ZNF277: variants seen among roughly 807,000 people sequenced by gnomAD.
ZNF277 encodes the protein zinc finger protein 277, also known as nuclear receptor-interacting factor 4.
Under a neutral mutation model 60.7 loss-of-function variants are expected in ZNF277, and 55 were observed. That is an observed-to-expected ratio of 0.91 (90% confidence interval 0.73 to 1.13). The LOEUF is 1.13. Ranked by LOEUF, ZNF277 falls within the 50% of genes most tolerant of loss-of-function variation. The pLI is 0.00. For missense variants in ZNF277, 510 were observed against 523.0 expected (o/e 0.98, Z 0.24); for synonymous variants, 178 against 179.3 (o/e 0.99, Z 0.06).
chr7:112,250,626 T>C (rs1173745956), intron 1 of ZNF277, among the ~76,000 whole-genome samples: 3 of 152,150 alleles, frequency 2.0e-5, no homozygotes, highest in Non-Finnish European at 4.4e-5. Context: ...GGCCAACGCT[T>C]CAGGAAAATA....
At chr7:112,211,123 A>G (rs1821735628) in intron 1 of ZNF277, among the ~76,000 whole-genome samples, 1 of 152,138 alleles carries the variant, frequency 6.6e-6, no homozygotes, top group Non-Finnish European at 1.5e-5. Context: ...GATTTTGGTA[A>G]TGTTTATCTT....
intron 4 of ZNF277, among the ~76,000 whole-genome samples, chr7:112,304,291 A>G (rs1351804636): frequency 6.6e-6 from 1 of 152,158 alleles, no homozygotes; most frequent in East Asian, 1.9e-4. Flanking sequence ...TTAGTATATT[A>G]TTTGAGTATA....
chr7:112,238,612 C>CTATGCATCACAGTTTGCA lies in ZNF277; in HGVS notation c.91+31806_91+31823dup, dbSNP rs146262282. On this transcript the variant is annotated intron_variant, in intron 1 of 11. Coordinates refer to ENST00000361822, the MANE Select transcript of ZNF277 (RefSeq NM_021994.3). The stretch of plus-strand genomic sequence containing the variant: ...GTGTTCGCGTCACCCCACCCCAACC[C>CTATGCATCACAGTTTGCA]TATGCATCACAGTTTGCAGCTCCCG... Among the ~76,000 whole-genome samples, 766 of 152,154 alleles carry CTATGCATCACAGTTTGCA rather than the reference C, an allele frequency of 5.0e-3. 5 individuals are homozygous for CTATGCATCACAGTTTGCA. The highest frequency in any genetic ancestry group is 0.03 in the East Asian group (155 of 5,150).
chr7:112,333,980 T>G (rs1793279127), intron 7 of ZNF277, among the ~76,000 whole-genome samples: 1 of 152,232 alleles, frequency 6.6e-6, no homozygotes, highest in African/African-American at 2.4e-5. Flanking sequence ...TGAGTTTTTC[T>G]AAAGGGAATT....
At chr7:112,240,598 T>A (rs1301313587) in intron 1 of ZNF277, among the ~76,000 whole-genome samples, 8 of 152,100 alleles carry the variant, frequency 5.3e-5, no homozygotes, top group Non-Finnish European at 1.0e-4. Flanking sequence ...GCTACTGAGC[T>A]ATGATAACCA....
chr7:112,301,517 G>A (rs1792469865), intron 4 of ZNF277, among the ~76,000 whole-genome samples: 1 of 152,098 alleles, frequency 6.6e-6, no homozygotes, highest in Non-Finnish European at 1.5e-5. Flanking sequence ...CCCTTGTGAA[G>A]TTTACACTGT....
intron 1 of ZNF277, among the ~76,000 whole-genome samples, chr7:112,208,098 C>T (rs1223158193): frequency 3.3e-5 from 5 of 152,238 alleles, no homozygotes; most frequent in African/African-American, 1.2e-4. Flanking sequence ...AAAAAATGGC[C>T]GGGCACGGTG....
intron 4 of ZNF277, among the ~76,000 whole-genome samples, chr7:112,297,397 G>A (rs1342599388): frequency 1.3e-5 from 2 of 151,940 alleles, no homozygotes; most frequent in Non-Finnish European, 2.9e-5. Context: ...TTTGGACTTA[G>A]CTAAATATGT....
rs553314617 is a variant in ZNF277 at position 112,278,056 on chromosome 7, A to G, written c.92-8817A>G. On this transcript the variant is annotated intron_variant, in intron 1 of 11. Transcript: ENST00000361822. Reference sequence around the variant, plus strand: ...TAACCTTTGTCTTCAATATGAACAGAGCTTATCTCATATTCTCAGAAAACT... The same window carrying G: ...TAACCTTTGTCTTCAATATGAACAGGGCTTATCTCATATTCTCAGAAAACT... Among the ~76,000 whole-genome samples, 85 of 152,268 alleles carry G rather than the reference A, an allele frequency of 5.6e-4. 1 individual carries two copies. Among genetic ancestry groups the G allele is most frequent in the Non-Finnish European group, 1.2e-4 (8 of 68,026 alleles).
chr7:112,213,612 TA>T (rs974831511), intron 1 of ZNF277, among the ~76,000 whole-genome samples: 8 of 152,334 alleles, frequency 5.3e-5, no homozygotes, highest in Middle Eastern at 3.4e-3. Flanking sequence ...TTACGCTTTT[TA>T]TGTACAAATG....
intron 4 of ZNF277, among the ~76,000 whole-genome samples, chr7:112,305,871 G>A (rs568552425): frequency 6.7e-4 from 102 of 152,142 alleles, no homozygotes; most frequent in African/African-American, 2.4e-3. Context: ...GACTCTGAGT[G>A]CTCACACTGT....
At chr7:112,236,693 ATTTAC>A (rs1355413994) in intron 1 of ZNF277, among the ~76,000 whole-genome samples, 1 of 152,106 alleles carries the variant, frequency 6.6e-6, no homozygotes, top group Non-Finnish European at 1.5e-5. Context: ...CTCATTCACT[ATTTAC>A]TTTCCATATT....
rs536056380 is a variant in ZNF277 at position 112,282,847 on chromosome 7, G to T, written c.92-4026G>T. 2.6e-5 allele frequency among the ~76,000 whole-genome samples: 4 copies of T among 152,342 alleles called. No individual in the cohort carries two copies. In the East Asian group the frequency reaches 5.8e-4, roughly 22 times the overall value. ...TTCATCACTTGATAGCTGCAGGCAG[G>T]TCATTTCACCTCTCACCCCCTCAGT... is the stretch of plus-strand genomic sequence containing the variant. On this transcript the variant is annotated intron_variant, in intron 1 of 11. Transcript: ENST00000361822.
intron 9 of ZNF277, among the ~76,000 whole-genome samples, chr7:112,339,007 A>C (rs1289006291): frequency 6.6e-6 from 1 of 152,240 alleles, no homozygotes; most frequent in Admixed American, 6.5e-5. Context: ...AACACGCAAA[A>C]AATAAGTGCA....
intron 1 of ZNF277, among the ~76,000 whole-genome samples, chr7:112,207,475 A>G (rs1054328722): frequency 1.3e-5 from 2 of 152,138 alleles, no homozygotes; most frequent in African/African-American, 4.8e-5. Context: ...GATAATTTGC[A>G]CTCGTGGCTT....
intron 1 of ZNF277, among the ~76,000 whole-genome samples, chr7:112,268,053 C>T (rs2117033982): frequency 6.6e-6 from 1 of 152,210 alleles, no homozygotes; most frequent in South Asian, 2.1e-4. Context: ...GACAATTTGC[C>T]ATGAAAGTGA....
At chr7:112,285,112 C>T (rs1484316220) in intron 1 of ZNF277, among the ~76,000 whole-genome samples, 2 of 152,094 alleles carry the variant, frequency 1.3e-5, no homozygotes, top group Admixed American at 6.5e-5. Flanking sequence ...TCACTGAAAC[C>T]TCCACCACCT....
intron 1 of ZNF277, among the ~76,000 whole-genome samples, chr7:112,227,589 A>G (rs531315760): frequency 3.5e-4 from 53 of 152,328 alleles, no homozygotes; most frequent in African/African-American, 1.1e-3. Flanking sequence ...TTCACCATGT[A>G]GGGAGAAAAC....
chr7:112,296,668 CT>C (rs1009534967), intron 4 of ZNF277, among the ~76,000 whole-genome samples: 5 of 151,276 alleles, frequency 3.3e-5, no homozygotes, highest in Non-Finnish European at 5.9e-5. Context: ...ATTGATTAAC[CT>C]TTTTTTCTCC....
Sources: allele counts gnomAD v4.1 joint callset (sites outside exome capture counted in the v4.1 genomes callset), GRCh38; gene constraint gnomAD v4.1.1; transcripts MANE v1.5; gene names NCBI Gene and HGNC (gene_info 2026-07-23, HGNC 2026-07-21).